MYO16: variants seen among roughly 807,000 people sequenced by gnomAD.
MYO16 encodes the protein myosin XVI.
Under a neutral mutation model 205.3 loss-of-function variants are expected in MYO16, and 94 were observed. The observed-to-expected ratio is 0.46, with a 90% confidence interval of 0.39 to 0.54. MYO16 has a LOEUF of 0.54. Among genes scored for constraint, MYO16 ranks in the 20% least tolerant of loss-of-function variants. The probability of loss-of-function intolerance (pLI) is 0.00; values close to 1 mark genes in which losing one functional copy is unlikely to be tolerated. For synonymous variants in MYO16, 988 were observed against 954.0 expected, an observed-to-expected ratio of 1.04 and a Z score of -0.66; for missense variants, 2,315 against 2,387.5, an observed-to-expected ratio of 0.97 and a Z score of 0.63.
chr13:108,965,736 G>A (rs551988294), intron 20 of MYO16, among the ~76,000 whole-genome samples: 1 of 152,198 alleles, frequency 6.6e-6, no homozygotes, highest in Non-Finnish European at 1.5e-5. Flanking sequence ...GATTTTCAGG[G>A]CTATTTCATC....
At chr13:109,057,263 G>T (rs1887442864) in intron 27 of MYO16, among the ~76,000 whole-genome samples, 2 of 152,120 alleles carry the variant, frequency 1.3e-5, no homozygotes, top group Non-Finnish European at 2.9e-5. Context: ...TTCAGCTTGA[G>T]CCTTCCATTT....
chr13:109,002,676 G>A (rs926665356), intron 21 of MYO16, among the ~76,000 whole-genome samples: 1 of 152,136 alleles, frequency 6.6e-6, no homozygotes, highest in African/African-American at 2.4e-5. Flanking sequence ...AGTAATGGTT[G>A]TTTTCCATTG....
chr13:108,888,423 C>T lies in MYO16; in HGVS notation c.1605C>T (p.His535=). 3 of 1,610,604 alleles carry T rather than the reference C, an allele frequency of 1.9e-6. No individual in the cohort carries two copies. Among genetic ancestry groups the T allele is most frequent in the Middle Eastern group, 1.7e-4 (1 of 6,050 alleles). The change falls in exon 14 of 35, where the codon CAC becomes CAT. Residue 535 remains histidine, a synonymous_variant. Transcript: ENST00000457511. The part of the protein sequence containing the change: ...KSEASKQIIR[H]LTCRAGASRA... ...AAGCCAGCAAACAAATCATAAGACA[C>T]CTCACCTGCAGGGCTGGCGCCAGCA...
At chr13:108,858,092 T>C (rs1878278353) in intron 11 of MYO16, among the ~76,000 whole-genome samples, 1 of 152,198 alleles carries the variant, frequency 6.6e-6, no homozygotes, top group African/African-American at 2.4e-5. Flanking sequence ...CAATATGTGC[T>C]TCCCAATGTG....
intron 32 of MYO16, among the ~76,000 whole-genome samples, chr13:109,154,911 GAAAAAAAAAAAAA>G (rs59465499): frequency 4.1e-4 from 26 of 62,686 alleles, no homozygotes; most frequent in African/African-American, 1.3e-3. Flanking sequence ...GGCTAATTAT[GAAAAAAAAAAAAA>G]AAAAAAAAAA....
At chr13:109,200,217 T>A (rs1173091487) in intron 34 of MYO16, among the ~76,000 whole-genome samples, 1 of 152,206 alleles carries the variant, frequency 6.6e-6, no homozygotes, top group African/African-American at 2.4e-5. Context: ...CATTATAACG[T>A]AACCTATGAA....
intron 31 of MYO16, among the ~76,000 whole-genome samples, chr13:109,135,046 G>A (rs549072016): frequency 2.5e-4 from 38 of 152,286 alleles, no homozygotes; most frequent in Admixed American, 6.5e-4. Flanking sequence ...CCTCCGGTAC[G>A]ATTCCTGAGA....
At chr13:108,762,586 TG>T (rs1885645806) in intron 4 of MYO16, among the ~76,000 whole-genome samples, 1 of 152,204 alleles carries the variant, frequency 6.6e-6, no homozygotes, top group African/African-American at 2.4e-5. Context: ...TGATTAGTGA[TG>T]TTGGGCATTT....
chr13:109,201,919 T>C (rs2146973), intron 34 of MYO16, among the ~76,000 whole-genome samples: 28,101 of 152,014 alleles, frequency 0.18, 2,815 homozygotes, highest in East Asian at 0.27. Context: ...TTGCTGCAAA[T>C]GCCATTAATT....
intron 16 of MYO16, among the ~76,000 whole-genome samples, chr13:108,912,417 A>G (rs1881309061): frequency 1.3e-5 from 2 of 152,140 alleles, no homozygotes; most frequent in South Asian, 4.1e-4. Flanking sequence ...AGTTTAGAAG[A>G]AAAAGCTAAT....
intron 23 of MYO16, among the ~76,000 whole-genome samples, chr13:109,042,127 G>A (rs1458389445): frequency 1.3e-5 from 2 of 152,168 alleles, no homozygotes; most frequent in Admixed American, 6.5e-5. Context: ...GCCTCCAAAA[G>A]TGTTGAGATT....
intron 23 of MYO16, among the ~76,000 whole-genome samples, chr13:109,031,458 C>T (rs1886545417): frequency 6.6e-6 from 1 of 152,076 alleles, no homozygotes; most frequent in South Asian, 2.1e-4. Context: ...AATGTGATTA[C>T]TTTGATTTGA....
rs1275684645 is a variant in MYO16 at position 108,844,345 on chromosome 13, G to T, written c.1100G>T (p.Ser367Ile). ...HDLPVLSSKLSPLVLPIAKQD... is the reference protein window; with the variant it reads ...HDLPVLSSKLIPLVLPIAKQD... The stretch of plus-strand genomic sequence containing the variant: ...AGTATTGATTTTTTTTCCTGTAGCA[G>T]TCCCCTGGTGTTACCAATTGCCAAG... The change falls in exon 10 of 35, where the codon AGT becomes ATT. Residue 367 changes from serine to isoleucine, a missense_variant and splice_region_variant. Transcript: ENST00000457511. 6.2e-7 allele frequency: 1 copy of T among 1,604,440 alleles called. No individual in the cohort carries two copies. The highest frequency in any genetic ancestry group is 8.5e-7 in the Non-Finnish European group (1 of 1,174,932).
At chr13:109,114,232 A>G (rs1313071891) in intron 28 of MYO16, among the ~76,000 whole-genome samples, 1 of 152,186 alleles carries the variant, frequency 6.6e-6, no homozygotes, top group East Asian at 1.9e-4. Context: ...TCCACAGACC[A>G]CCGTCACCGA....
intron 3 of MYO16, 89 bp downstream of exon 3, chr13:108,712,820 T>TC: frequency 1.1e-6 from 1 of 914,854 alleles, no homozygotes. Context: ...AATGTACATC[T>TC]CACAGATGAT....
intron 4 of MYO16, among the ~76,000 whole-genome samples, chr13:108,749,250 T>G (rs974310810): frequency 6.6e-6 from 1 of 152,144 alleles, no homozygotes; most frequent in Non-Finnish European, 1.5e-5. Context: ...ATGTAATCAA[T>G]CTCTTGAATT....
chr13:108,887,199 A>T (rs1310219439), intron 13 of MYO16, among the ~76,000 whole-genome samples: 1 of 152,172 alleles, frequency 6.6e-6, no homozygotes, highest in East Asian at 1.9e-4. Context: ...TATTAACTTA[A>T]TACCTCATTT....
intron 17 of MYO16, among the ~76,000 whole-genome samples, chr13:108,960,291 G>GAA (rs1431147592): frequency 6.8e-6 from 1 of 147,668 alleles, no homozygotes; most frequent in Non-Finnish European, 1.5e-5. Context: ...AAAAAAAAAG[G>GAA]AAAAAAAATA....
rs371399500 is a variant in MYO16, at chr13:109,179,597, G to A, written c.5379G>A (p.Ser1793=). ...SRLSISGTGT[S]TFQRHRDSHT... ...TGTCTATAAGTGGCACAGGGACTTC[G>A]ACATTTCAAAGACACAGGGACAGTC... is the stretch of plus-strand genomic sequence containing the variant. Residue 1793 remains serine (S), a synonymous_variant, in exon 34 of 35, where the codon TCG becomes TCA. Coordinates refer to ENST00000457511, the MANE Select transcript of MYO16 (RefSeq NM_001198950.3). The A allele has an allele frequency of 4.1e-5, 66 of 1,613,756 alleles. No homozygotes were observed. Among genetic ancestry groups the A allele is most frequent in the Non-Finnish European group, 4.8e-5 (57 of 1,179,810 alleles).
Sources: allele counts gnomAD v4.1 joint callset (sites outside exome capture counted in the v4.1 genomes callset), GRCh38; gene constraint gnomAD v4.1.1; transcripts MANE v1.5; gene names NCBI Gene and HGNC (gene_info 2026-07-23, HGNC 2026-07-21).